Variants in LAMA2 observed in about 807,000 individuals in gnomAD.
The protein encoded by LAMA2 is laminin subunit alpha 2.
Under a neutral mutation model 364.8 loss-of-function variants are expected in LAMA2, and 269 were observed. The observed-to-expected ratio is 0.74, with a 90% CI of 0.67 to 0.82. The LOEUF (loss-of-function observed/expected upper bound fraction) is 0.82. LAMA2 is among the 40% of genes least tolerant of loss of function. LAMA2 has a pLI of 0.00. For missense variants in LAMA2, 3,807 were observed against 3,873.2 expected, an observed-to-expected ratio of 0.98 and a Z score of 0.45; for synonymous variants, 1,379 against 1,370.6, an observed-to-expected ratio of 1.01 and a Z score of -0.14.
At chr6:129,189,040 A>G (rs570390363) in intron 10 of LAMA2, among the ~76,000 whole-genome samples, 1 of 152,162 alleles carries the variant, frequency 6.6e-6, no homozygotes, top group East Asian at 1.9e-4. Flanking sequence ...TATGAAGCTA[A>G]TGCTCAGTGC....
chr6:129,462,252 ATG>A (rs930011208), intron 49 of LAMA2, among the ~76,000 whole-genome samples: 5 of 152,006 alleles, frequency 3.3e-5, no homozygotes, highest in African/African-American at 1.2e-4. Flanking sequence ...CAGCATAATC[ATG>A]TTTTTTTTTC....
At chr6:129,117,942 C>G (rs1776571502) in intron 4 of LAMA2, among the ~76,000 whole-genome samples, 1 of 152,126 alleles carries the variant, frequency 6.6e-6, no homozygotes, top group African/African-American at 2.4e-5. Context: ...CTCAAACTGC[C>G]TGTGTTTGCA....
intron 4 of LAMA2, among the ~76,000 whole-genome samples, chr6:129,107,052 T>C (rs1329673619): frequency 2.6e-5 from 4 of 151,898 alleles, no homozygotes; most frequent in African/African-American, 9.7e-5. Flanking sequence ...TCCACTGATA[T>C]GGAACAGAAG....
chr6:128,929,220 G>A (rs1262495488), intron 1 of LAMA2: 25 of 1,487,426 alleles, frequency 1.7e-5, no homozygotes, highest in Middle Eastern at 1.9e-4. Flanking sequence ...CGCCTTCTGA[G>A]CTTCTTCCTC....
intron 24 of LAMA2, 97 bp downstream of exon 24, chr6:129,314,895 A>C: frequency 8.0e-7 from 1 of 1,257,036 alleles, no homozygotes; most frequent in Non-Finnish European, 1.2e-6. Flanking sequence ...ATGGCAAAAC[A>C]TTTAAGTAAC....
rs774851746 is a variant in LAMA2 at position 129,260,804 on chromosome 6, T to C, written c.2190T>C (p.Tyr730=). The change falls in exon 15 of 65, where the codon TAT becomes TAC. Residue 730 remains tyrosine (Y), a synonymous_variant. Transcript: ENST00000421865. The part of the protein sequence containing the change: ...AVEVCQCPPG[Y]TGSSCESCWP... The stretch of plus-strand genomic sequence containing the variant: ...AAGTGTGTCAGTGCCCACCAGGGTA[T>C]ACTGGCTCCTCTTGTGAAGTAAGCT... 5 of 1,601,952 alleles carry C rather than the reference T, an allele frequency of 3.1e-6. No individual in the cohort carries two copies. The South Asian group carries it at 5.5e-5, about 18-fold the overall frequency.
At chr6:129,410,615 G>GGATA (rs577189279) in intron 40 of LAMA2, among the ~76,000 whole-genome samples, 2 of 152,136 alleles carry the variant, frequency 1.3e-5, no homozygotes, top group South Asian at 4.1e-4. Context: ...ATTAGGAGAT[G>GGATA]GATAGATAGA....
intron 5 of LAMA2, 69 bp downstream of exon 5, chr6:129,144,149 T>C: frequency 8.0e-7 from 1 of 1,252,070 alleles, no homozygotes; most frequent in Non-Finnish European, 1.2e-6. Flanking sequence ...TGTTAAATAC[T>C]TTAAAAATGT....
intron 1 of LAMA2, chr6:128,929,792 C>G: frequency 3.9e-6 from 4 of 1,035,678 alleles, no homozygotes; most frequent in Non-Finnish European, 6.1e-6. Flanking sequence ...CTCCTGACTT[C>G]CAACCACACC....
chr6:129,393,379 AG>A, intron 37 of LAMA2, 124 bp downstream of exon 37: 2 of 761,634 alleles, frequency 2.6e-6, no homozygotes, highest in Non-Finnish European at 4.5e-6. Context: ...CAACTCTGAA[AG>A]GGGGCTTCTA....
At chr6:128,884,316 T>TAA (rs150013984) in intron 1 of LAMA2, among the ~76,000 whole-genome samples, 13 of 147,862 alleles carry the variant, frequency 8.8e-5, no homozygotes, top group African/African-American at 3.0e-4. Context: ...TGTATCAAAG[T>TAA]AAAAAAAAAA....
At chr6:129,220,991 G>C (rs1783791419) in intron 12 of LAMA2, among the ~76,000 whole-genome samples, 1 of 151,950 alleles carries the variant, frequency 6.6e-6, no homozygotes, top group African/African-American at 2.4e-5. Context: ...GTGAAACCCT[G>C]TCTCTACTAA....
At chr6:129,227,595 C>G (rs903277666) in intron 12 of LAMA2, among the ~76,000 whole-genome samples, 1 of 152,190 alleles carries the variant, frequency 6.6e-6, no homozygotes, top group African/African-American at 2.4e-5. Context: ...GAGGTCCACT[C>G]CAGACCCTGT....
intron 32 of LAMA2, among the ~76,000 whole-genome samples, chr6:129,361,448 C>A (rs1777454923): frequency 6.6e-6 from 1 of 152,232 alleles, no homozygotes; most frequent in Non-Finnish European, 1.5e-5. Context: ...CATACACTCT[C>A]ATGATTCTGT....
Position 129,165,691 on chromosome 6 carries a change from G to C in LAMA2, c.1306+16G>C. ...GCTCGACGAGGTGAGAGCTGCAGCA[G>C]AATGTCACTGCTCTGATAAAAGGAC... On this transcript the variant is annotated intron_variant, in intron 9 of 64. Transcript: ENST00000421865. 6.8e-7 allele frequency: 1 copy of C among 1,462,892 alleles called. No homozygotes were observed. Among genetic ancestry groups the C allele is most frequent in the Non-Finnish European group, 9.6e-7 (1 of 1,042,966 alleles). The allele number at this position is 1,462,892 out of a possible 1,614,324, so 90.6% of individuals were successfully genotyped here. A position where few individuals can be genotyped will look rare whatever the true frequency, so the allele number is the denominator to read the frequency against.
intron 45 of LAMA2, among the ~76,000 whole-genome samples, chr6:129,446,150 G>A (rs1189602790): frequency 6.6e-6 from 1 of 151,174 alleles, no homozygotes; most frequent in East Asian, 2.0e-4. Flanking sequence ...ATGGATGAGA[G>A]TACCTTCCTC....
At chr6:128,976,787 A>G (rs946438781) in intron 1 of LAMA2, among the ~76,000 whole-genome samples, 6 of 152,310 alleles carry the variant, frequency 3.9e-5, no homozygotes, top group African/African-American at 7.2e-5. Context: ...TGGGAGACTT[A>G]GGTTCTTGGT....
chr6:128,986,645 G>C (rs952194297), intron 1 of LAMA2, among the ~76,000 whole-genome samples: 2 of 151,434 alleles, frequency 1.3e-5, no homozygotes, highest in African/African-American at 4.8e-5. Context: ...CAACATAGTG[G>C]CTGAAATGAC....
intron 1 of LAMA2, 136 bp from the exon 2 acceptor site, chr6:129,049,781 AG>A (rs1787861637): frequency 4.1e-6 from 3 of 737,434 alleles, no homozygotes; most frequent in Non-Finnish European, 7.3e-6. Flanking sequence ...CTGAATTGTC[AG>A]GTATTTATCA....
Sources: allele counts gnomAD v4.1 joint callset (sites outside exome capture counted in the v4.1 genomes callset), GRCh38; gene constraint gnomAD v4.1.1; transcripts MANE v1.5; gene names NCBI Gene and HGNC (gene_info 2026-07-23, HGNC 2026-07-21).